FNDC8: variants seen among roughly 807,000 people sequenced by gnomAD.
The protein encoded by FNDC8 is fibronectin type III domain-containing protein 8.
FNDC8 carries 23 observed loss-of-function variants against 24.8 expected under a neutral mutation model. The ratio of observed to expected loss-of-function variants is 0.93; its 90% confidence interval spans 0.67 to 1.31. The LOEUF (loss-of-function observed/expected upper bound fraction) is 1.31, where lower values mean the gene tolerates loss of function less well. Among genes scored for constraint, FNDC8 ranks in the 40% most tolerant of loss-of-function variants. The pLI is 0.00. For synonymous variants in FNDC8, 158 were observed against 165.3 expected, an observed-to-expected ratio of 0.96 and a Z score of 0.34; for missense variants, 371 against 398.2, an observed-to-expected ratio of 0.93 and a Z score of 0.58.
At chr17:35,128,301 T>C (rs1050073611) in intron 2 of FNDC8, among the ~76,000 whole-genome samples, 2 of 152,238 alleles carry the variant, frequency 1.3e-5, no homozygotes, top group African/African-American at 4.8e-5. Flanking sequence ...CTCCACCACA[T>C]TTGGGCCTCC....
intron 1 of FNDC8, 22 bp from the exon 2 acceptor site, chr17:35,127,020 C>G: frequency 7.1e-6 from 11 of 1,556,572 alleles, no homozygotes; most frequent in Non-Finnish European, 9.6e-6. Context: ...ATCTGATTCA[C>G]CTGTCTCCCC....
In FNDC8 at chr17:35,127,382, A is replaced by G; in HGVS notation, c.550A>G (p.Ile184Val). The G allele has an allele frequency of 6.3e-7, 1 of 1,575,352 alleles. No individual in the cohort carries two copies. Among genetic ancestry groups the G allele is most frequent in the Non-Finnish European group, 8.6e-7 (1 of 1,161,142 alleles). Residue 184 changes from isoleucine to valine, a missense_variant, in exon 2 of 4, where the codon ATC becomes GTC. Physicochemically the swap from Ile to Val is conservative, Grantham distance 29. Coordinates refer to ENST00000158009, the MANE Select transcript of FNDC8 (RefSeq NM_017559.4). ...TGTGGACCTGCCGGACACCCCCTTC[A>G]TCTTTGAGCACACCGTCAACAATTC... ...VVVDLPDTPFIFEHTVNNSTA... is the reference protein window; with the variant it reads ...VVVDLPDTPFVFEHTVNNSTA...
At chr17:35,126,329 C>T (rs532379987) in intron 1 of FNDC8, among the ~76,000 whole-genome samples, 1 of 152,024 alleles carries the variant, frequency 6.6e-6, no homozygotes, top group Non-Finnish European at 1.5e-5. Context: ...AAAATTTAAA[C>T]AATAGTAAAT....
At chr17:35,129,122 C>A in intron 2 of FNDC8, 1 of 318,264 alleles carries the variant, frequency 3.1e-6, no homozygotes, top group Non-Finnish European at 6.0e-6. Flanking sequence ...CTATCCAGTT[C>A]CTAACAGGCC....
In FNDC8 at chr17:35,124,605, T is replaced by C. The variant is rs1200437361; in HGVS notation, c.210-2437T>C. ...GAGCCCATTGCACACAGAGTAAGTG[T>C]TGGTCTGTGAAATGTTTGTCTTAGT... On this transcript the variant is annotated intron_variant, in intron 1 of 3. Transcript: ENST00000158009. Among the ~76,000 whole-genome samples the C allele has an allele frequency of 3.9e-5, 6 of 152,252 alleles. No individual in the cohort carries two copies. In the South Asian group the frequency reaches 6.2e-4, roughly 16 times the overall value.
chr17:35,122,180 AT>A (rs1567738444), intron 1 of FNDC8, among the ~76,000 whole-genome samples: 4 of 26,610 alleles, frequency 1.5e-4, no homozygotes, highest in African/African-American at 6.6e-4. Flanking sequence ...ATATATATAT[AT>A]ATATATATAT....
rs776108112 is a variant in FNDC8 at position 35,121,825 on chromosome 17, C to G, written c.132C>G (p.Thr44=). Reference sequence around the variant, plus strand: ...CAAACCCCAAGTCTATGAACCGGACCGTCACTACCAAAGGACTCCCACTAG... The same window carrying G: ...CAAACCCCAAGTCTATGAACCGGACGGTCACTACCAAAGGACTCCCACTAG... The part of the protein sequence containing the change: ...PFSNPKSMNR[T]VTTKGLPLAS... The change falls in exon 1 of 4, where the codon ACC becomes ACG. Residue 44 remains threonine (T), a synonymous_variant. Coordinates refer to ENST00000158009, the MANE Select transcript of FNDC8 (RefSeq NM_017559.4). The G allele has an allele frequency of 6.2e-7, 1 of 1,613,570 alleles. No individual in the cohort carries two copies. Among genetic ancestry groups the G allele is most frequent in the Admixed American group, 1.7e-5 (1 of 59,952 alleles).
chr17:35,129,562 T>C lies in FNDC8; in HGVS notation c.726T>C (p.Thr242=), dbSNP rs754276715. ...TCTTCAACAAGATTTTGGGCACTAC[T>C]GTCAAGCTGATGGAGCTAAAGCCTA... is the stretch of plus-strand genomic sequence containing the variant. The part of the protein sequence containing the change: ...PWIFNKILGT[T]VKLMELKPNT... Residue 242 remains threonine, a synonymous_variant, in exon 3 of 4, where the codon ACT becomes ACC. Transcript: ENST00000158009. 1.9e-6 allele frequency: 3 copies of C among 1,614,062 alleles called. No individual in the cohort carries two copies. Among genetic ancestry groups the C allele is most frequent in the African/African-American group, 2.7e-5 (2 of 74,918 alleles).
At chr17:35,121,989 T>TC in intron 1 of FNDC8, 87 bp downstream of exon 1, 1 of 111,682 alleles carries the variant, frequency 9.0e-6, no homozygotes, top group East Asian at 1.0e-3. Context: ...CTTCCTTCCT[T>TC]TTTTTTTTTT....
At chr17:35,121,977 T>G in intron 1 of FNDC8, 75 bp downstream of exon 1, 2 of 947,874 alleles carry the variant, frequency 2.1e-6, no homozygotes, top group Non-Finnish European at 2.9e-6. Flanking sequence ...CTCCCTTCCT[T>G]CCTTCCTTCC....
At chr17:35,130,160 G>A in intron 3 of FNDC8, 122 bp from the exon 4 acceptor site, 3 of 1,469,828 alleles carry the variant, frequency 2.0e-6, no homozygotes, top group Non-Finnish European at 2.7e-6. Context: ...CAATGGCTAG[G>A]TTGGATAAGG....
intron 2 of FNDC8, among the ~76,000 whole-genome samples, chr17:35,128,191 C>T (rs973051147): frequency 6.6e-6 from 1 of 152,200 alleles, no homozygotes; most frequent in Non-Finnish European, 1.5e-5. Context: ...CCTGGAATTC[C>T]ACTGTTGGAT....
rs761574466 is a variant in FNDC8, at chr17:35,127,344, A to C, written c.512A>C (p.Glu171Ala). The C allele has an allele frequency of 3.7e-6, 6 of 1,608,200 alleles. No homozygotes were observed. In the South Asian group the frequency reaches 5.5e-5, roughly 15 times the overall value. The change falls in exon 2 of 4, where the codon GAA (glutamate) becomes GCA (alanine). Residue 171 changes from glutamate (E) to alanine (A), a missense_variant. Physicochemically the swap from Glu to Ala is moderately radical, Grantham distance 107. Coordinates refer to ENST00000158009, the MANE Select transcript of FNDC8 (RefSeq NM_017559.4). Reference sequence around the variant, plus strand: ...ACAGAAACCTCCTCAACGCACTCAGAATCTTCTGTGGTTGTGGACCTGCCG... The same window carrying C: ...ACAGAAACCTCCTCAACGCACTCAGCATCTTCTGTGGTTGTGGACCTGCCG... Reference protein sequence around the residue: ...LETETSSTHSESSVVVDLPDT... With the variant: ...LETETSSTHSASSVVVDLPDT...
chr17:35,127,282 A>C lies in FNDC8; in HGVS notation c.450A>C (p.Thr150=). 1 of 1,614,096 alleles carries C rather than the reference A, an allele frequency of 6.2e-7. No homozygotes were observed. ...GCCCATCGAAGTCCCAGATGGCCAC[A>C]AGGGGCCTGCTGGACCTTGACAACC... ...CPCPSKSQMA[T]RGLLDLDNPE... Residue 150 remains threonine, a synonymous_variant, in exon 2 of 4, where the codon ACA becomes ACC. Transcript: ENST00000158009.
At chr17:35,126,817 G>A (rs2091850925) in intron 1 of FNDC8, among the ~76,000 whole-genome samples, 1 of 152,194 alleles carries the variant, frequency 6.6e-6, no homozygotes, top group Non-Finnish European at 1.5e-5. Flanking sequence ...TATTAAAGAT[G>A]CGGATTCTCT....
chr17:35,129,520 A>T lies in FNDC8; in HGVS notation c.684A>T (p.Ala228=). ...AKTQENELPE[A]KNRPWIFNKI... ...CACAGGAGAATGAGTTGCCCGAGGC[A>T]AAGAATCGTCCATGGATCTTCAACA... The change falls in exon 3 of 4, where the codon GCA becomes GCT. Residue 228 remains alanine, a synonymous_variant. Coordinates refer to ENST00000158009, the MANE Select transcript of FNDC8 (RefSeq NM_017559.4). The T allele has an allele frequency of 4.3e-6, 7 of 1,614,242 alleles. No homozygotes were observed. Among genetic ancestry groups the T allele is most frequent in the Non-Finnish European group, 5.9e-6 (7 of 1,180,050 alleles).
intron 2 of FNDC8, 80 bp from the exon 3 acceptor site, chr17:35,129,342 C>G (rs1246590828): frequency 6.4e-7 from 1 of 1,555,278 alleles, no homozygotes; most frequent in African/African-American, 1.4e-5. Flanking sequence ...CATGGGACGT[C>G]CTGACCCCAG....
Position 35,127,072 on chromosome 17 carries a change from C to A in FNDC8, c.240C>A (p.Cys80Ter). The A allele has an allele frequency of 6.2e-7, 1 of 1,605,272 alleles. No individual in the cohort carries two copies. The highest frequency in any genetic ancestry group is 8.5e-7 in the Non-Finnish European group (1 of 1,174,258). The change falls in exon 2 of 4, where the codon TGC becomes TGA. Residue 80 changes from cysteine (C) to a stop codon, truncating the protein, a stop_gained. Coordinates refer to ENST00000158009, the MANE Select transcript of FNDC8 (RefSeq NM_017559.4). LOFTEE classifies it high-confidence loss of function. ...LKPLPVEDSD[C>*]SSDETSISAF... ...CGCTGCCAGTAGAGGATTCAGACTG[C>A]AGCTCTGATGAGACCAGCATCTCTG... is the stretch of plus-strand genomic sequence containing the variant.
chr17:35,129,178 G>A (rs777749426), intron 2 of FNDC8: 27 of 474,344 alleles, frequency 5.7e-5, no homozygotes, highest in Non-Finnish European at 9.2e-5. Context: ...GACCCCTGGC[G>A]TATAAGAAAT....
Sources: gnomAD v4.1 joint callset for allele counts (sites outside exome capture counted in the v4.1 genomes callset) on GRCh38, gnomAD v4.1.1 for gene constraint, MANE v1.5 for transcripts, NCBI Gene and HGNC (gene_info 2026-07-23, HGNC 2026-07-21) for gene names.